ABCB9: variants seen among roughly 807,000 people sequenced by gnomAD.
ABCB9 encodes ABC-type oligopeptide transporter ABCB9.
ABCB9 carries 36 observed loss-of-function variants against 62.0 expected under a neutral mutation model. The observed-to-expected ratio is 0.58, with a 90% confidence interval of 0.45 to 0.77. The LOEUF (loss-of-function observed/expected upper bound fraction) is 0.77. Ranked by LOEUF, ABCB9 falls within the 30% of genes least tolerant of loss-of-function variation. ABCB9 has a pLI of 0.00. For missense variants in ABCB9, 943 were observed against 1,054.7 expected (o/e 0.89, Z 1.47); for synonymous variants, 435 against 461.4 (o/e 0.94, Z 0.73).
In ABCB9 at chr12:122,940,395, T is replaced by C. The variant is rs559277873; in HGVS notation, c.1570-111A>G. ...CTTCCCAGCCCACCCCATGTGCCTC[T>C]CCCTCGCTTGGGCACTGCTGGCCCC... On this transcript the variant is annotated intron_variant, in intron 8 of 11. Transcript: ENST00000280560. This position sits in a 1 kb window ranked among gnomAD's most constrained non-coding sequence, Gnocchi z 4.8. 2.0e-4 allele frequency: 267 copies of C among 1,307,852 alleles called. No homozygotes were observed. In the African/African-American group the frequency reaches 3.7e-3, roughly 18 times the overall value. 81.0% of individuals were successfully genotyped at this position (1,307,852 alleles called of 1,614,324 possible). A position where few individuals can be genotyped will look rare whatever the true frequency, so the allele number is the denominator to read the frequency against.
intron 5 of ABCB9, chr12:122,946,503 A>G (rs2036054338): frequency 2.1e-6 from 1 of 481,780 alleles, no homozygotes. Context: ...CCAGTATTCA[A>G]AAGAGGCTAT....
At chr12:122,962,834 T>C (rs951296758) in intron 1 of ABCB9, among the ~76,000 whole-genome samples, 1 of 152,182 alleles carries the variant, frequency 6.6e-6, no homozygotes, top group Non-Finnish European at 1.5e-5. Context: ...ATGTGCACTG[T>C]CATCCCTTCC....
chr12:122,930,158 A>T lies in ABCB9; in HGVS notation c.2054T>A (p.Ile685Asn). ...AESEYLIQQA[I>N]HGNLQKHTVL... is the part of the protein sequence containing the mutation. The stretch of plus-strand genomic sequence containing the variant: ...CGTGTGCTTCTGCAGGTTGCCATGG[A>T]TGGCCTGCTGGATCTGCGGGGACAG... The change falls in exon 12 of 12, where the codon ATC (isoleucine) becomes AAC (asparagine). Residue 685 changes from isoleucine to asparagine, a missense_variant. Ile to Asn is a moderately radical substitution (Grantham distance 149). Coordinates refer to ENST00000280560, the MANE Select transcript of ABCB9 (RefSeq NM_019625.4). This position sits in a 1 kb window ranked among gnomAD's most constrained non-coding sequence, Gnocchi z 4.9. 1 of 1,548,454 alleles carries T rather than the reference A, an allele frequency of 6.5e-7. No homozygotes were observed. Among genetic ancestry groups the T allele is most frequent in the Non-Finnish European group, 8.7e-7 (1 of 1,144,726 alleles).
In ABCB9 at chr12:122,943,509, C is replaced by T. The variant is rs531643058; in HGVS notation, c.1380+882G>A. Among the ~76,000 whole-genome samples the T allele has an allele frequency of 3.1e-3, 476 of 152,312 alleles. 1 individual carries two copies. Among genetic ancestry groups the T allele is most frequent in the Non-Finnish European group, 4.5e-3 (305 of 68,038 alleles). ...AAATGTGATGGACGAGTCACTCCAC[C>T]GCTCAGGTTCAGTTTTCTTTTCATC... On this transcript the variant is annotated intron_variant, in intron 7 of 11. Coordinates refer to ENST00000280560, the MANE Select transcript of ABCB9 (RefSeq NM_019625.4).
chr12:122,974,320 C>T (rs1357526669), intron 1 of ABCB9, among the ~76,000 whole-genome samples: 1 of 152,142 alleles, frequency 6.6e-6, no homozygotes, highest in Non-Finnish European at 1.5e-5. Context: ...CTTCTCGGGC[C>T]GGGCAGCTCT....
downstream of ABCB9, among the ~76,000 whole-genome samples, chr12:122,927,870 T>C (rs565246655): frequency 6.6e-6 from 1 of 152,212 alleles, no homozygotes; most frequent in Non-Finnish European, 1.5e-5. Flanking sequence ...TGATCTCACA[T>C]GAAAATTGGA....
In ABCB9 at chr12:122,935,443, G is replaced by A. The variant is rs2035412771; in HGVS notation, c.1744-12C>T. ...CTCACCAGGGAGATCTGGGGAGGAG[G>A]GAGCATGGAGCATGAGAGGCCAGGA... On this transcript the variant is annotated splice_polypyrimidine_tract_variant and intron_variant, in intron 9 of 11. Coordinates refer to ENST00000280560, the MANE Select transcript of ABCB9 (RefSeq NM_019625.4). 1.9e-6 allele frequency: 3 copies of A among 1,610,428 alleles called. No individual in the cohort carries two copies. Among genetic ancestry groups the A allele is most frequent in the South Asian group, 1.1e-5 (1 of 90,648 alleles).
At chr12:122,924,483 G>T, downstream of ABCB9, 1 of 674,242 alleles carries the variant, frequency 1.5e-6, no homozygotes, top group Non-Finnish European at 2.0e-6. Context: ...TCCCACCTAA[G>T]CCTCCCGAGT....
chr12:122,918,966 T>A (rs2034684599), downstream of ABCB9, among the ~76,000 whole-genome samples: 1 of 152,174 alleles, frequency 6.6e-6, no homozygotes, highest in African/African-American at 2.4e-5. Flanking sequence ...TTCTTCTGAA[T>A]ATATCATGTA....
At chr12:122,936,680 G>A (rs1439412820) in intron 9 of ABCB9, among the ~76,000 whole-genome samples, 4 of 151,974 alleles carry the variant, frequency 2.6e-5, no homozygotes, top group South Asian at 2.1e-4. Flanking sequence ...CGAGGTGGGC[G>A]GATCACCTGA....
At chr12:122,941,429 C>T (rs1463456110) in intron 7 of ABCB9, among the ~76,000 whole-genome samples, 8 of 151,736 alleles carry the variant, frequency 5.3e-5, no homozygotes, top group Non-Finnish European at 7.4e-5. Context: ...CTGCCTCAGC[C>T]TCCAGAGTAG....
Position 122,959,900 on chromosome 12 carries a change from C to T in ABCB9, c.336G>A (p.Arg112=). The T allele has an allele frequency of 6.2e-7, 1 of 1,613,514 alleles. No individual in the cohort carries two copies. Among genetic ancestry groups the T allele is most frequent in the Non-Finnish European group, 8.5e-7 (1 of 1,179,914 alleles). The change falls in exon 2 of 12, where the codon CGG becomes CGA. Residue 112 remains arginine (R), a synonymous_variant. Transcript: ENST00000280560. This position sits in a 1 kb window ranked among gnomAD's most constrained non-coding sequence, Gnocchi z 5.4. ...LLFSEVRRPI[R]DPWFWALFVW... is the part of the protein sequence containing the mutation. ...CGAACAGGGCCCAAAACCAGGGGTC[C>T]CGGATGGGCCTGCGCACCTCTGAGA...
At chr12:122,972,375 T>G (rs546103162) in intron 1 of ABCB9, among the ~76,000 whole-genome samples, 3 of 152,288 alleles carry the variant, frequency 2.0e-5, no homozygotes, top group African/African-American at 7.2e-5. Flanking sequence ...AATGGGTCAA[T>G]GACTTGTGGA....
rs978907568 is a variant in ABCB9, at chr12:122,949,037, A to G, written c.848-208T>C. ...ATCAGCATCTTGCTTAAGCTTCATGACATCCCGCTGTACAGCGGAGGAGGC... is the reference window on the plus strand; with the variant it reads ...ATCAGCATCTTGCTTAAGCTTCATGGCATCCCGCTGTACAGCGGAGGAGGC... On this transcript the variant is annotated intron_variant, in intron 4 of 11. Transcript: ENST00000280560. 5 of 478,938 alleles carry G rather than the reference A, an allele frequency of 1.0e-5. No homozygotes were observed. The Admixed American group carries it at 1.5e-4, about 15-fold the overall frequency. The allele number at this position is 478,938 out of a possible 1,614,324, so 29.7% of individuals were successfully genotyped here.
rs1433394498 is a variant in ABCB9 at position 122,932,858 on chromosome 12, A to G, written c.1904-530T>C. Among the ~76,000 whole-genome samples the G allele has an allele frequency of 6.6e-6, 1 of 152,028 alleles. No individual in the cohort carries two copies. The highest frequency in any genetic ancestry group is 2.4e-5 in the African/African-American group (1 of 41,396). ...TTATTGCAAAAAATAAAACAAATAG[A>G]CTCAAATGTCCATCAATAGGAAATT... On this transcript the variant is annotated intron_variant, in intron 10 of 11. Transcript: ENST00000280560. The surrounding 1 kb of genome is among the most constrained non-coding windows in gnomAD (Gnocchi z 4.7).
Position 122,950,170 on chromosome 12 carries a change from C to T in ABCB9, c.717-252G>A, listed in dbSNP as rs530465287. 1.1e-3 allele frequency among the ~76,000 whole-genome samples: 173 copies of T among 152,340 alleles called. 1 individual carries two copies. Among genetic ancestry groups the T allele is most frequent in the African/African-American group, 3.8e-3 (159 of 41,588 alleles). ...CCTTCCAGAACAGCTCAGACAAAGC[C>T]GGTTCTGTTTGGGACCAGATTCCTA... On this transcript the variant is annotated intron_variant, in intron 3 of 11. Transcript: ENST00000280560.
rs1168381032 is a variant in ABCB9 at position 122,930,336 on chromosome 12, C to T, written c.2041-165G>A. On this transcript the variant is annotated intron_variant, in intron 11 of 11. Transcript: ENST00000280560. The surrounding 1 kb of genome is among the most constrained non-coding windows in gnomAD (Gnocchi z 4.9). Reference sequence around the variant, plus strand: ...TAAAGGGAGACAGCTCAGGGCCAGACACAATGAGGCACCTGGTGAATGGGG... The same window carrying T: ...TAAAGGGAGACAGCTCAGGGCCAGATACAATGAGGCACCTGGTGAATGGGG... Among the ~76,000 whole-genome samples, 1 of 151,824 alleles carries T rather than the reference C, an allele frequency of 6.6e-6. No individual in the cohort carries two copies. The highest frequency in any genetic ancestry group is 1.5e-5 in the Non-Finnish European group (1 of 67,982).
In ABCB9 at chr12:122,935,909, C is replaced by T. The variant is rs188410985; in HGVS notation, c.1744-478G>A. Among the ~76,000 whole-genome samples the T allele has an allele frequency of 2.0e-5, 3 of 152,010 alleles. No individual in the cohort carries two copies. In the East Asian group the frequency reaches 5.8e-4, roughly 29 times the overall value. On this transcript the variant is annotated intron_variant, in intron 9 of 11. Transcript: ENST00000280560. ...TTCCAGTTTCAGGAATCTGGGCCTACAAAAATAATAGTATGGCCAGGCCTG... is the reference window on the plus strand; with the variant it reads ...TTCCAGTTTCAGGAATCTGGGCCTATAAAAATAATAGTATGGCCAGGCCTG...
Position 122,944,271 on chromosome 12 carries a change from T to G in ABCB9, c.1380+120A>C. The G allele has an allele frequency of 7.1e-7, 1 of 1,418,274 alleles. No individual in the cohort carries two copies. The highest frequency in any genetic ancestry group is 9.5e-7 in the Non-Finnish European group (1 of 1,052,488). The allele number at this position is 1,418,274 out of a possible 1,614,324, so 87.9% of individuals were successfully genotyped here. A position where few individuals can be genotyped will look rare whatever the true frequency, so the allele number is the denominator to read the frequency against. ...ATATGATCATGCTGTCTCCCCTACT[T>G]ACCTTAGAGAGAAATACCACATTGT... On this transcript the variant is annotated intron_variant, in intron 7 of 11. Coordinates refer to ENST00000280560, the MANE Select transcript of ABCB9 (RefSeq NM_019625.4). The surrounding 1 kb of genome is among the most constrained non-coding windows in gnomAD (Gnocchi z 4.9).
Sources: gnomAD v4.1 joint callset for allele counts (sites outside exome capture counted in the v4.1 genomes callset) on GRCh38, gnomAD v4.1.1 for gene constraint, Gnocchi (gnomAD v3.1) non-coding constraint, MANE v1.5 for transcripts, NCBI Gene and HGNC (gene_info 2026-07-23, HGNC 2026-07-21) for gene names.